Variants in VEGFD observed in about 807,000 individuals in gnomAD.
VEGFD encodes vascular endothelial growth factor D, also known as c-fos induced growth factor (vascular endothelial growth factor D).
A neutral mutation model predicts 28.0 loss-of-function variants in VEGFD; 26 were observed. The ratio of observed to expected loss-of-function variants is 0.93; its 90% confidence interval spans 0.68 to 1.29. VEGFD has a LOEUF of 1.29. VEGFD is among the 50% of genes most tolerant of loss of function. The pLI, the probability that VEGFD is intolerant of heterozygous loss-of-function variation, is 0.00. For missense variants in VEGFD, 294 were observed against 273.4 expected, an observed-to-expected ratio of 1.08 and a Z score of -0.53; for synonymous variants, 93 against 95.5, an observed-to-expected ratio of 0.97 and a Z score of 0.15.
chrX:15,347,552 G>C (rs1233009410), intron 5 of VEGFD, 193 bp from the exon 6 acceptor site: 1 of 315,844 alleles, frequency 3.2e-6, no homozygotes, highest in East Asian at 4.7e-5. Context: ...ACACAGGTTT[G>C]TGTGTTTTCT....
At chrX:15,374,181 A>G (rs1191984768) in intron 1 of VEGFD, among the ~76,000 whole-genome samples, 2 of 112,380 alleles carry the variant, frequency 1.8e-5, no homozygotes, top group Non-Finnish European at 3.8e-5. Context: ...GTTTCTTATA[A>G]ACATATGCTC....
intron 1 of VEGFD, among the ~76,000 whole-genome samples, chrX:15,377,369 A>G (rs958726257): frequency 2.7e-5 from 3 of 111,931 alleles, no homozygotes; most frequent in African/African-American, 9.7e-5. Context: ...GAATGTGGTA[A>G]TGTGATTTCC....
At chrX:15,358,316 A>T in intron 2 of VEGFD, 123 bp from the exon 3 acceptor site, 1 of 615,737 alleles carries the variant, frequency 1.6e-6, no homozygotes, top group Non-Finnish European at 2.5e-6. Flanking sequence ...CTTTTACTAG[A>T]TGGATATTTT....
At chrX:15,375,851 A>C (rs150090038) in intron 1 of VEGFD, among the ~76,000 whole-genome samples, 1,944 of 111,439 alleles carry the variant, frequency 0.017, 47 homozygotes, top group African/African-American at 0.06. Context: ...TCTCCCAGCC[A>C]GATCATCTAG....
intron 1 of VEGFD, among the ~76,000 whole-genome samples, chrX:15,372,450 A>G (rs1180116851): frequency 9.0e-6 from 1 of 111,305 alleles, no homozygotes; most frequent in African/African-American, 3.3e-5. Flanking sequence ...AAAAAAAAAA[A>G]TAATAAAGCA....
At position 15,346,052 on chromosome X, in the gene VEGFD, C is replaced by G; in HGVS notation, c.*81G>C. 4 of 1,111,273 alleles carry G rather than the reference C, an allele frequency of 3.6e-6. No individual in the cohort carries two copies. Among genetic ancestry groups the G allele is most frequent in the Non-Finnish European group, 4.8e-6 (4 of 828,379 alleles). 91.6% of individuals were successfully genotyped at this position (1,111,273 alleles called of 1,213,427 possible). On this transcript the variant is annotated 3_prime_UTR_variant, in exon 7 of 7. Transcript: ENST00000297904. ...GTAAAATGGATTTTTTTTTTAACAC[C>G]TGGGAAAAAAACAGTGACAGCAACT...
At chrX:15,383,025 A>C (rs969195126) in intron 1 of VEGFD, among the ~76,000 whole-genome samples, 2 of 112,089 alleles carry the variant, frequency 1.8e-5, no homozygotes, top group Non-Finnish European at 3.8e-5. Context: ...CCCCTGTTGA[A>C]AATGCACGTC....
intron 1 of VEGFD, among the ~76,000 whole-genome samples, chrX:15,381,479 A>G (rs1923569228): frequency 9.1e-6 from 1 of 109,788 alleles, no homozygotes; most frequent in Non-Finnish European, 1.9e-5. Flanking sequence ...CCAAGTACCG[A>G]GGAAGACCAT....
chrX:15,347,382 T>TG, intron 5 of VEGFD, 23 bp from the exon 6 acceptor site: 1 of 1,154,997 alleles, frequency 8.7e-7, no homozygotes, highest in Non-Finnish European at 1.2e-6. Flanking sequence ...AGAAACGTGT[T>TG]GGTCAGATAG....
intron 3 of VEGFD, among the ~76,000 whole-genome samples, chrX:15,356,130 T>C (rs1006852225): frequency 8.9e-6 from 1 of 112,513 alleles, no homozygotes; most frequent in African/African-American, 3.2e-5. Context: ...TTAACTCATT[T>C]ACCCCTTATA....
chrX:15,376,043 G>T (rs1289693993), intron 1 of VEGFD, among the ~76,000 whole-genome samples: 3 of 111,324 alleles, frequency 2.7e-5, no homozygotes, highest in Non-Finnish European at 5.7e-5. Flanking sequence ...AACCCCAAGG[G>T]GTTTCTGAGG....
chrX:15,383,768 T>C, intron 1 of VEGFD, 89 bp downstream of exon 1: 2 of 667,724 alleles, frequency 3.0e-6, no homozygotes, highest in South Asian at 2.3e-5. Flanking sequence ...TGCATTTTTA[T>C]ATTGTTTCAA....
chrX:15,369,918 T>C (rs998972340), intron 1 of VEGFD, among the ~76,000 whole-genome samples: 1 of 112,323 alleles, frequency 8.9e-6, no homozygotes, highest in Non-Finnish European at 1.9e-5. Flanking sequence ...TGTTGCATAG[T>C]TGAACAATGG....
At chrX:15,372,439 C>CAA (rs57193883) in intron 1 of VEGFD, among the ~76,000 whole-genome samples, 25 of 103,787 alleles carry the variant, frequency 2.4e-4, no homozygotes, top group African/African-American at 5.2e-4. Context: ...AAAGCTCTCA[C>CAA]AAAAAAAAAA....
chrX:15,380,159 C>A (rs1923534531), intron 1 of VEGFD, among the ~76,000 whole-genome samples: 1 of 112,381 alleles, frequency 8.9e-6, no homozygotes, highest in African/African-American at 3.2e-5. Context: ...GAAAAGTGGA[C>A]AAAAGCTTGC....
intron 1 of VEGFD, among the ~76,000 whole-genome samples, chrX:15,367,438 G>C (rs1923174316): frequency 8.9e-6 from 1 of 111,879 alleles, no homozygotes; most frequent in Non-Finnish European, 1.9e-5. Flanking sequence ...GAAATTCAAT[G>C]CTTCTCCATT....
chrX:15,361,889 A>G (rs1923023053), intron 2 of VEGFD, among the ~76,000 whole-genome samples: 1 of 110,918 alleles, frequency 9.0e-6, no homozygotes, highest in Non-Finnish European at 1.9e-5. Flanking sequence ...GTTTTTTAAG[A>G]TGGAGTTTCA....
At chrX:15,347,585 T>C in intron 5 of VEGFD, 1 of 293,958 alleles carries the variant, frequency 3.4e-6, no homozygotes, top group Non-Finnish European at 5.9e-6. Context: ...TTTTAAAATA[T>C]CATAAGCTGA....
At chrX:15,369,806 T>C (rs1923263199) in intron 1 of VEGFD, among the ~76,000 whole-genome samples, 1 of 111,843 alleles carries the variant, frequency 8.9e-6, no homozygotes, top group Non-Finnish European at 1.9e-5. Context: ...TTATAGTATG[T>C]AAATTCTATA....
Sources: allele counts gnomAD v4.1 joint callset (sites outside exome capture counted in the v4.1 genomes callset), GRCh38; gene constraint gnomAD v4.1.1; transcripts MANE v1.5; gene names NCBI Gene and HGNC (gene_info 2026-07-23, HGNC 2026-07-21).